VPS13B: variants seen among roughly 807,000 people sequenced by gnomAD.
The protein encoded by VPS13B is vacuolar protein sorting 13 homolog B.
VPS13B carries 285 observed loss-of-function variants against 426.4 expected under a neutral mutation model. That is an observed-to-expected ratio of 0.67 (90% CI 0.61 to 0.74). The LOEUF (loss-of-function observed/expected upper bound fraction) is 0.74. VPS13B is among the 30% of genes least tolerant of loss of function. The pLI is 0.00. For synonymous variants in VPS13B, 1,676 were observed against 1,676.4 expected, an observed-to-expected ratio of 1.00 and a Z score of 0.01; for missense variants, 4,537 against 4,782.6, an observed-to-expected ratio of 0.95 and a Z score of 1.51.
At chr8:99,031,677 T>G (rs1035396536) in intron 2 of VPS13B, among the ~76,000 whole-genome samples, 3 of 152,186 alleles carry the variant, frequency 2.0e-5, no homozygotes, top group Non-Finnish European at 2.9e-5. Flanking sequence ...ATCAGCATTT[T>G]CTGTGAGTGC....
rs113586011 is a variant in VPS13B at position 99,063,014 on chromosome 8, C to A, written c.291+24448C>A. Among the ~76,000 whole-genome samples the A allele has an allele frequency of 8.2e-3, 1,249 of 151,982 alleles. 16 individuals are homozygous for A. The highest frequency in any genetic ancestry group is 0.028 in the African/African-American group (1,182 of 41,496). On this transcript the variant is annotated intron_variant, in intron 3 of 61. Coordinates refer to ENST00000357162, the MANE Select transcript of VPS13B (RefSeq NM_152564.5). ...ATTTACTTATTTTTAAAGCAGGATG[C>A]ATTTTTTTAGGAGCCAGAGTCTCTT... is the stretch of plus-strand genomic sequence containing the variant.
chr8:99,220,478 T>C (rs555655475), intron 17 of VPS13B, among the ~76,000 whole-genome samples: 1 of 152,352 alleles, frequency 6.6e-6, no homozygotes, highest in Non-Finnish European at 1.5e-5. Flanking sequence ...TTAAACTAGA[T>C]GTCATTTCCA....
In VPS13B at chr8:99,168,587, A is replaced by G. The variant is rs573991521; in HGVS notation, c.2209-1452A>G. Among the ~76,000 whole-genome samples, 59 of 152,220 alleles carry G rather than the reference A, an allele frequency of 3.9e-4. 1 individual carries two copies. The South Asian group carries it at 0.012, about 31-fold the overall frequency. On this transcript the variant is annotated intron_variant, in intron 15 of 61. Transcript: ENST00000357162. ...ATCCTTTGAATATTTGGCCTTTATG[A>G]GGAAATAAGAAATCCTGAAATTGTA...
intron 29 of VPS13B, among the ~76,000 whole-genome samples, chr8:99,514,745 C>A (rs1392044729): frequency 6.6e-6 from 1 of 152,158 alleles, no homozygotes; most frequent in Non-Finnish European, 1.5e-5. Flanking sequence ...GCTATGAACA[C>A]TGGCATGGAA....
intron 30 of VPS13B, among the ~76,000 whole-genome samples, chr8:99,522,954 G>A (rs1822449112): frequency 6.6e-6 from 1 of 152,084 alleles, no homozygotes; most frequent in Non-Finnish European, 1.5e-5. Context: ...TATACACAAA[G>A]CAAAAGACCC....
chr8:99,065,989 A>G (rs978329242), intron 3 of VPS13B, among the ~76,000 whole-genome samples: 8 of 152,234 alleles, frequency 5.3e-5, no homozygotes, highest in South Asian at 2.1e-4. Flanking sequence ...CCACTGCTCA[A>G]TGAAATAAAA....
chr8:99,376,649 T>C (rs1257401999), intron 19 of VPS13B, among the ~76,000 whole-genome samples: 3 of 152,172 alleles, frequency 2.0e-5, no homozygotes, highest in Non-Finnish European at 4.4e-5. Flanking sequence ...GAGAATTTGT[T>C]TGAAAATTCA....
chr8:99,100,930 G>A (rs1250747513), intron 4 of VPS13B, among the ~76,000 whole-genome samples: 2 of 151,838 alleles, frequency 1.3e-5, no homozygotes, highest in African/African-American at 4.8e-5. Context: ...TGTAATCCTA[G>A]CTACTCAGGA....
intron 21 of VPS13B, among the ~76,000 whole-genome samples, chr8:99,403,386 T>C (rs1815151571): frequency 6.6e-6 from 1 of 151,986 alleles, no homozygotes; most frequent in African/African-American, 2.4e-5. Flanking sequence ...CCGTCTCTAC[T>C]AAAAATACAA....
At chr8:99,606,522 G>GA (rs1214414625) in intron 33 of VPS13B, among the ~76,000 whole-genome samples, 54 of 142,522 alleles carry the variant, frequency 3.8e-4, no homozygotes, top group African/African-American at 1.2e-3. Context: ...AAAGAAAAAA[G>GA]AAAAAGAAAA....
intron 57 of VPS13B, among the ~76,000 whole-genome samples, chr8:99,861,258 T>A (rs562489452): frequency 6.6e-6 from 1 of 152,348 alleles, no homozygotes; most frequent in East Asian, 1.9e-4. Context: ...TCATCACCCC[T>A]GTGGGCAAGT....
At chr8:99,363,869 G>C (rs937808110) in intron 19 of VPS13B, among the ~76,000 whole-genome samples, 11 of 152,118 alleles carry the variant, frequency 7.2e-5, no homozygotes, top group African/African-American at 2.7e-4. Context: ...TTTTGGTGGA[G>C]TCCTTAGGCT....
At chr8:99,854,389 C>T in intron 56 of VPS13B, 133 bp downstream of exon 56, 3 of 1,038,734 alleles carry the variant, frequency 2.9e-6, no homozygotes, top group Non-Finnish European at 4.3e-6. Context: ...TACAGTTACA[C>T]AGAACTGGAT....
chr8:99,234,286 G>A, intron 17 of VPS13B: 1 of 763,582 alleles, frequency 1.3e-6, no homozygotes. Flanking sequence ...CAGTTTCTGT[G>A]TCTGTGTTGA....
chr8:99,304,385 T>G (rs754877382), intron 19 of VPS13B, among the ~76,000 whole-genome samples: 1 of 152,096 alleles, frequency 6.6e-6, no homozygotes, highest in Non-Finnish European at 1.5e-5. Flanking sequence ...CAGATGTGAT[T>G]GCTTTAAAAG....
intron 43 of VPS13B, among the ~76,000 whole-genome samples, chr8:99,786,562 G>T (rs1252699277): frequency 6.6e-6 from 1 of 152,094 alleles, no homozygotes; most frequent in Admixed American, 6.6e-5. Flanking sequence ...GTCCAAGTAT[G>T]AACCCTTGCA....
At chr8:99,731,819 A>G (rs1255114220) in intron 39 of VPS13B, among the ~76,000 whole-genome samples, 1 of 152,210 alleles carries the variant, frequency 6.6e-6, no homozygotes. Context: ...CATTCACACA[A>G]TTTTGGAAAT....
At chr8:99,089,238 C>G (rs948271973) in intron 3 of VPS13B, among the ~76,000 whole-genome samples, 3 of 152,002 alleles carry the variant, frequency 2.0e-5, no homozygotes, top group Admixed American at 2.0e-4. Context: ...AACATAATGT[C>G]TTTAGCAGTA....
chr8:99,052,973 A>G (rs1016423267), intron 3 of VPS13B, among the ~76,000 whole-genome samples: 2 of 151,942 alleles, frequency 1.3e-5, no homozygotes, highest in East Asian at 3.9e-4. Flanking sequence ...TGATCTTTTC[A>G]AAACACCAGC....
Sources: gnomAD v4.1 joint callset for allele counts (sites outside exome capture counted in the v4.1 genomes callset) on GRCh38, gnomAD v4.1.1 for gene constraint, MANE v1.5 for transcripts, NCBI Gene and HGNC (gene_info 2026-07-23, HGNC 2026-07-21) for gene names.